The following ACER3 variants were observed in gnomAD, a reference collection of about 807,000 sequenced individuals.
ACER3 encodes the protein alkCDase 3.
Under a neutral mutation model 48.9 loss-of-function variants are expected in ACER3, and 16 were observed. That is an observed-to-expected ratio of 0.33 (90% CI 0.22 to 0.50). The LOEUF is 0.50. Ranked by LOEUF, ACER3 falls within the 20% of genes least tolerant of loss-of-function variation. ACER3 has a pLI of 0.98. For synonymous variants in ACER3, 109 were observed against 107.8 expected (o/e 1.01, Z -0.07); for missense variants, 227 against 326.0 (o/e 0.70, Z 2.34).
At chr11:76,995,832 T>C (rs1302128102) in intron 6 of ACER3, among the ~76,000 whole-genome samples, 1 of 152,178 alleles carries the variant, frequency 6.6e-6, no homozygotes, top group African/African-American at 2.4e-5. Flanking sequence ...GGTTCTTTCC[T>C]AATCCATCAT....
intron 7 of ACER3, among the ~76,000 whole-genome samples, chr11:77,008,203 C>A (rs920105192): frequency 6.6e-6 from 1 of 152,154 alleles, no homozygotes; most frequent in Non-Finnish European, 1.5e-5. Flanking sequence ...TAATGCCCAG[C>A]AGTTTTAGTT....
chr11:77,003,388 G>A (rs1049713687), intron 7 of ACER3, among the ~76,000 whole-genome samples: 1 of 152,260 alleles, frequency 6.6e-6, no homozygotes, highest in South Asian at 2.1e-4. Flanking sequence ...TCTTGATGTT[G>A]AGAGGGCTTG....
At chr11:76,941,113 CA>C (rs1376405733) in intron 2 of ACER3, among the ~76,000 whole-genome samples, 1 of 151,724 alleles carries the variant, frequency 6.6e-6, no homozygotes, top group Non-Finnish European at 1.5e-5. Context: ...TACCTGGAAA[CA>C]GAGATTTTAT....
chr11:76,952,580 T>C (rs1366019644), intron 2 of ACER3, among the ~76,000 whole-genome samples: 1 of 151,938 alleles, frequency 6.6e-6, no homozygotes, highest in Non-Finnish European at 1.5e-5. Context: ...TTTCAACATT[T>C]TTGTAAGTTT....
intron 1 of ACER3, among the ~76,000 whole-genome samples, chr11:76,912,024 A>C (rs948084583): frequency 4.6e-5 from 7 of 152,208 alleles, no homozygotes; most frequent in Non-Finnish European, 7.3e-5. Context: ...ATTTTTAAGA[A>C]TGTTCTAGTG....
Position 76,963,589 on chromosome 11 carries a change from A to T in ACER3, c.267+4558A>T, listed in dbSNP as rs1948057024. 1.3e-5 allele frequency among the ~76,000 whole-genome samples: 2 copies of T among 151,290 alleles called. 1 individual carries two copies. The highest frequency in any genetic ancestry group is 4.9e-5 in the African/African-American group (2 of 40,600). On this transcript the variant is annotated intron_variant, in intron 3 of 10. Transcript: ENST00000532485. ...GGTGAAACCTCGGTCAAATCCAGTG[A>T]CATGCTGGATCCAATCGGTCTTAGC...
chr11:76,995,842 T>C (rs972036207), intron 6 of ACER3, among the ~76,000 whole-genome samples: 3 of 152,202 alleles, frequency 2.0e-5, no homozygotes, highest in Admixed American at 6.5e-5. Flanking sequence ...TAATCCATCA[T>C]TTCGTATGCT....
chr11:76,871,224 T>C (rs1386380053), intron 1 of ACER3, among the ~76,000 whole-genome samples: 1 of 152,226 alleles, frequency 6.6e-6, no homozygotes, highest in East Asian at 1.9e-4. Context: ...AATGCATCTG[T>C]TTTAAGTATA....
chr11:76,892,381 T>G (rs995711072), intron 1 of ACER3, among the ~76,000 whole-genome samples: 2 of 152,160 alleles, frequency 1.3e-5, no homozygotes, highest in African/African-American at 4.8e-5. Flanking sequence ...AATAATAAAT[T>G]TAGTATTTAG....
intron 2 of ACER3, among the ~76,000 whole-genome samples, chr11:76,952,098 A>G (rs1947683586): frequency 6.6e-6 from 1 of 151,222 alleles, no homozygotes; most frequent in Non-Finnish European, 1.5e-5. Flanking sequence ...TGATGTATCA[A>G]TTTACTCATA....
intron 1 of ACER3, 140 bp downstream of exon 1, chr11:76,861,219 G>A (rs1005764023): frequency 9.5e-6 from 7 of 733,214 alleles, no homozygotes; most frequent in Admixed American, 2.6e-5. Flanking sequence ...GGCGCCCTGG[G>A]CCAGCGGGAG....
intron 1 of ACER3, among the ~76,000 whole-genome samples, chr11:76,873,593 C>A (rs1185535579): frequency 1.3e-5 from 2 of 152,162 alleles, no homozygotes; most frequent in Non-Finnish European, 2.9e-5. Flanking sequence ...AATGAAATCA[C>A]CTTTTAGTCT....
intron 2 of ACER3, among the ~76,000 whole-genome samples, chr11:76,928,439 T>G (rs1442661428): frequency 6.6e-6 from 1 of 152,236 alleles, no homozygotes; most frequent in Non-Finnish European, 1.5e-5. Context: ...ATAGTTTCTT[T>G]TGCTGTGCAG....
intron 7 of ACER3, among the ~76,000 whole-genome samples, chr11:77,012,226 T>A (rs1555022315): frequency 6.6e-6 from 1 of 152,034 alleles, no homozygotes; most frequent in African/African-American, 2.4e-5. Context: ...GAGACCATCC[T>A]GGCCAACACA....
At chr11:76,957,858 T>G (rs1947882600) in intron 2 of ACER3, among the ~76,000 whole-genome samples, 1 of 152,180 alleles carries the variant, frequency 6.6e-6, no homozygotes, top group Admixed American at 6.6e-5. Flanking sequence ...AAACCAAACA[T>G]TTTATAAAAC....
chr11:76,952,035 G>T (rs1428009913), intron 2 of ACER3, among the ~76,000 whole-genome samples: 1 of 151,812 alleles, frequency 6.6e-6, no homozygotes, highest in Non-Finnish European at 1.5e-5. Flanking sequence ...TTAGGAGATG[G>T]CACTTAAAAT....
intron 2 of ACER3, among the ~76,000 whole-genome samples, chr11:76,952,319 G>A (rs1360437263): frequency 1.3e-5 from 2 of 151,014 alleles, no homozygotes; most frequent in Admixed American, 1.3e-4. Flanking sequence ...GAGTGCAGTG[G>A]CACAATCTCG....
chr11:76,941,882 A>G (rs1394863152), intron 2 of ACER3, among the ~76,000 whole-genome samples: 2 of 151,960 alleles, frequency 1.3e-5, no homozygotes, highest in Admixed American at 6.6e-5. Flanking sequence ...TTGGTTAAAT[A>G]TATTTCTAGG....
intron 9 of ACER3, among the ~76,000 whole-genome samples, chr11:77,018,653 A>G (rs1949417750): frequency 6.6e-6 from 1 of 152,248 alleles, no homozygotes; most frequent in African/African-American, 2.4e-5. Flanking sequence ...ACACACGAAT[A>G]GTGAAAGTGA....
Sources: allele counts gnomAD v4.1 joint callset (sites outside exome capture counted in the v4.1 genomes callset), GRCh38; gene constraint gnomAD v4.1.1; transcripts MANE v1.5; gene names NCBI Gene and HGNC (gene_info 2026-07-23, HGNC 2026-07-21).